Variants in GPR158 observed in about 807,000 individuals in gnomAD.
GPR158 encodes G protein-coupled receptor 158.
GPR158 carries 30 observed loss-of-function variants against 78.2 expected under a neutral mutation model. That is an observed-to-expected ratio of 0.38 (90% CI 0.29 to 0.52). The LOEUF is 0.52. Ranked by LOEUF, GPR158 falls within the 20% of genes least tolerant of loss-of-function variation. The pLI is 0.83. For missense variants in GPR158, 1,463 were observed against 1,523.5 expected (o/e 0.96, Z 0.66); for synonymous variants, 581 against 591.1 (o/e 0.98, Z 0.25).
rs139175802 is a variant in GPR158 at position 25,310,677 on chromosome 10, A to G, written c.1009-85234A>G. On this transcript the variant is annotated intron_variant, in intron 2 of 10. Coordinates refer to ENST00000376351, the MANE Select transcript of GPR158 (RefSeq NM_020752.3). ...AAGTTGCAAATCTTTTCTCACAGTT[A>G]AATATATATCTTTCAACTTTGTTTA... Among the ~76,000 whole-genome samples the G allele has an allele frequency of 7.6e-3, 1,153 of 152,234 alleles. 7 individuals carry two copies. Among genetic ancestry groups the G allele is most frequent in the Middle Eastern group, 0.017 (5 of 294 alleles).
chr10:25,417,880 T>G (rs1010348229), intron 4 of GPR158, among the ~76,000 whole-genome samples: 1 of 152,172 alleles, frequency 6.6e-6, no homozygotes, highest in Non-Finnish European at 1.5e-5. Context: ...TGAACCATGT[T>G]CTTTAATCCA....
intron 5 of GPR158, among the ~76,000 whole-genome samples, chr10:25,518,242 G>A (rs1836210470): frequency 1.2e-5 from 1 of 85,726 alleles, no homozygotes; most frequent in Admixed American, 1.0e-4. Flanking sequence ...TTTTTATTGT[G>A]TCTATTTGAT....
chr10:25,252,962 C>G (rs1323485500), intron 2 of GPR158, among the ~76,000 whole-genome samples: 1 of 151,698 alleles, frequency 6.6e-6, no homozygotes, highest in Non-Finnish European at 1.5e-5. Flanking sequence ...TAGCAATCAG[C>G]GAGATTCCGT....
At chr10:25,472,285 T>G (rs1455852161) in intron 5 of GPR158, among the ~76,000 whole-genome samples, 1 of 152,020 alleles carries the variant, frequency 6.6e-6, no homozygotes, top group Non-Finnish European at 1.5e-5. Flanking sequence ...ATGTGTGGTA[T>G]TATTTCTGAG....
chr10:25,182,346 G>A (rs1229755338), intron 1 of GPR158, among the ~76,000 whole-genome samples: 3 of 152,106 alleles, frequency 2.0e-5, no homozygotes, highest in East Asian at 1.9e-4. Context: ...AATTTCTCTC[G>A]AGAGAATACA....
intron 5 of GPR158, among the ~76,000 whole-genome samples, chr10:25,540,134 A>G (rs945850914): frequency 3.9e-5 from 6 of 152,324 alleles, no homozygotes; most frequent in African/African-American, 1.4e-4. Context: ...TGGGCGAAGG[A>G]TATGAACAGA....
chr10:25,505,488 T>C (rs1048608920), intron 5 of GPR158, among the ~76,000 whole-genome samples: 1 of 152,210 alleles, frequency 6.6e-6, no homozygotes, highest in Non-Finnish European at 1.5e-5. Context: ...TGGATTTCTT[T>C]TGCACCTTTT....
chr10:25,546,863 G>T (rs550792180), intron 5 of GPR158, among the ~76,000 whole-genome samples: 171 of 152,270 alleles, frequency 1.1e-3, no homozygotes, highest in African/African-American at 3.9e-3. Flanking sequence ...AAGTGAGCCG[G>T]GGGTTGTGCA....
At chr10:25,496,035 C>A (rs1221109973) in intron 5 of GPR158, among the ~76,000 whole-genome samples, 1 of 152,088 alleles carries the variant, frequency 6.6e-6, no homozygotes, top group Non-Finnish European at 1.5e-5. Context: ...AAAATATCTT[C>A]AGATATTGCC....
rs1012319881 is a variant in GPR158, at chr10:25,230,044, T to C, written c.1008+8887T>C. ...ATGTGGGGCTTTGTGCTTGCCAGAA[T>C]GTTCATCTATTCTTTGAATAATGAT... On this transcript the variant is annotated intron_variant, in intron 2 of 10. Coordinates refer to ENST00000376351, the MANE Select transcript of GPR158 (RefSeq NM_020752.3). 2.0e-5 allele frequency among the ~76,000 whole-genome samples: 3 copies of C among 152,092 alleles called. No individual in the cohort carries two copies. In the East Asian group the frequency reaches 5.8e-4, roughly 29 times the overall value.
At chr10:25,251,054 T>G (rs1853790066) in intron 2 of GPR158, among the ~76,000 whole-genome samples, 1 of 152,142 alleles carries the variant, frequency 6.6e-6, no homozygotes, top group Non-Finnish European at 1.5e-5. Context: ...ATTGATCCCT[T>G]TACCATTATC....
intron 4 of GPR158, among the ~76,000 whole-genome samples, chr10:25,415,523 T>G (rs1834646941): frequency 6.6e-6 from 1 of 152,086 alleles, no homozygotes; most frequent in Non-Finnish European, 1.5e-5. Flanking sequence ...ATGTGGAGAA[T>G]TGGACACTCT....
intron 3 of GPR158, among the ~76,000 whole-genome samples, chr10:25,405,693 T>C (rs968953903): frequency 6.6e-6 from 1 of 151,718 alleles, no homozygotes; most frequent in Non-Finnish European, 1.5e-5. Flanking sequence ...ATAGAGAGGG[T>C]TCTACTCTTT....
intron 2 of GPR158, among the ~76,000 whole-genome samples, chr10:25,358,575 A>T (rs59406616): frequency 0.11 from 16,906 of 152,050 alleles, 1,971 homozygotes; most frequent in African/African-American, 0.3. Context: ...TTTTACCTGC[A>T]GCCATCCATG....
intron 1 of GPR158, among the ~76,000 whole-genome samples, chr10:25,219,513 T>C (rs1415465386): frequency 2.0e-5 from 3 of 152,214 alleles, no homozygotes; most frequent in African/African-American, 7.2e-5. Flanking sequence ...TTTTCTGTAA[T>C]TTTTGTGTTT....
intron 5 of GPR158, among the ~76,000 whole-genome samples, chr10:25,506,163 T>A (rs1319072100): frequency 6.6e-6 from 1 of 152,268 alleles, no homozygotes; most frequent in Non-Finnish European, 1.5e-5. Context: ...CAGTTATGGA[T>A]CATTTTTGTT....
At chr10:25,189,307 T>A (rs971545734) in intron 1 of GPR158, among the ~76,000 whole-genome samples, 8 of 152,170 alleles carry the variant, frequency 5.3e-5, no homozygotes, top group African/African-American at 1.9e-4. Flanking sequence ...GGATTATAAA[T>A]CATGCTGCTA....
chr10:25,564,486 T>G (rs1836902999), intron 6 of GPR158, among the ~76,000 whole-genome samples: 1 of 152,240 alleles, frequency 6.6e-6, no homozygotes, highest in African/African-American at 2.4e-5. Context: ...CTTTAAACTT[T>G]TAGATAAATG....
intron 4 of GPR158, among the ~76,000 whole-genome samples, chr10:25,448,177 C>G (rs1283618764): frequency 6.6e-6 from 1 of 151,160 alleles, no homozygotes; most frequent in Non-Finnish European, 1.5e-5. Context: ...CTCTGCCTCC[C>G]AGGTTCACGC....
Sources: allele counts gnomAD v4.1 joint callset (sites outside exome capture counted in the v4.1 genomes callset), GRCh38; gene constraint gnomAD v4.1.1; transcripts MANE v1.5; gene names NCBI Gene and HGNC (gene_info 2026-07-23, HGNC 2026-07-21).